CCDC175: variants seen among roughly 807,000 people sequenced by gnomAD.
CCDC175 encodes coiled-coil domain containing 175.
CCDC175 carries 100 observed loss-of-function variants against 114.6 expected under a neutral mutation model. That is an observed-to-expected ratio of 0.87 (90% CI 0.74 to 1.03). The LOEUF (loss-of-function observed/expected upper bound fraction) is 1.03. CCDC175 is among the 50% of genes least tolerant of loss of function. The pLI, the probability that CCDC175 is intolerant of heterozygous loss-of-function variation, is 0.00. For synonymous variants in CCDC175, 306 were observed against 308.7 expected (o/e 0.99, Z 0.09); for missense variants, 880 against 917.8 (o/e 0.96, Z 0.53).
At chr14:59,556,198 T>C (rs551133694) in intron 7 of CCDC175, among the ~76,000 whole-genome samples, 1 of 152,288 alleles carries the variant, frequency 6.6e-6, no homozygotes, top group South Asian at 2.1e-4. Context: ...TCATGCTACC[T>C]GACTTCAAAC....
chr14:59,554,703 A>C (rs1305700252), intron 7 of CCDC175, among the ~76,000 whole-genome samples: 1 of 152,156 alleles, frequency 6.6e-6, no homozygotes. Flanking sequence ...GATCAACAAA[A>C]TTGATAGACT....
At chr14:59,521,273 C>T (rs989652701) in intron 17 of CCDC175, among the ~76,000 whole-genome samples, 24 of 152,156 alleles carry the variant, frequency 1.6e-4, no homozygotes, top group African/African-American at 5.8e-4. Context: ...CATTGGACTC[C>T]AAGTTCTTCA....
At chr14:59,561,619 T>C (rs1165835817) in intron 6 of CCDC175, among the ~76,000 whole-genome samples, 1 of 152,174 alleles carries the variant, frequency 6.6e-6, no homozygotes, top group East Asian at 1.9e-4. Flanking sequence ...CAAAACAAAT[T>C]GGGTCTTTTG....
intron 10 of CCDC175, 91 bp from the exon 11 acceptor site, chr14:59,540,837 G>T: frequency 9.2e-7 from 1 of 1,081,692 alleles, no homozygotes; most frequent in Non-Finnish European, 1.3e-6. Context: ...GCTCAGTAAG[G>T]CTATAGTCTA....
At chr14:59,513,236 T>G (rs1892853119) in intron 17 of CCDC175, among the ~76,000 whole-genome samples, 1 of 152,050 alleles carries the variant, frequency 6.6e-6, no homozygotes, top group African/African-American at 2.4e-5. Flanking sequence ...GCTCCCAACG[T>G]CAGCGACGCA....
chr14:59,554,184 A>ACG, intron 7 of CCDC175, among the ~76,000 whole-genome samples: 1 of 152,220 alleles, frequency 6.6e-6, no homozygotes, highest in Non-Finnish European at 1.5e-5. Flanking sequence ...ACCACACAGC[A>ACG]CTTATTCCAA....
chr14:59,530,123 C>G (rs1893977146), intron 14 of CCDC175, among the ~76,000 whole-genome samples: 1 of 152,070 alleles, frequency 6.6e-6, no homozygotes. Context: ...ATAATCCCAG[C>G]ACTTTGGGAG....
chr14:59,574,259 T>G (rs1162876772), intron 2 of CCDC175, among the ~76,000 whole-genome samples: 2 of 152,212 alleles, frequency 1.3e-5, no homozygotes, highest in Admixed American at 1.3e-4. Flanking sequence ...TTTAGCAATT[T>G]GATATGTAGT....
At chr14:59,505,901 G>C (rs543679942) in intron 19 of CCDC175, among the ~76,000 whole-genome samples, 1 of 152,146 alleles carries the variant, frequency 6.6e-6, no homozygotes, top group Non-Finnish European at 1.5e-5. Context: ...GAAGTGTTTC[G>C]AATTTCGGGT....
intron 1 of CCDC175, among the ~76,000 whole-genome samples, chr14:59,575,505 C>CTTTTTT (rs58872671): frequency 3.0e-5 from 3 of 98,414 alleles, no homozygotes; most frequent in Non-Finnish European, 4.0e-5. Context: ...GGTAACATTC[C>CTTTTTT]TTTTTTTTTT....
Position 59,565,264 on chromosome 14 carries a change from T to C in CCDC175, c.503A>G (p.Glu168Gly). The change falls in exon 5 of 20, where the codon GAA becomes GGA. Residue 168 changes from glutamate (E) to glycine (G), a missense_variant. Transcript: ENST00000537690. ...KYNEALGEKQ[E>G]ELARKHARFV... ...CCTTGCATGCTTCCTTGCTAGCTCT[T>C]CCTGCTTCTCCCTGGGAGGAAAGAA... 1 of 1,536,548 alleles carries C rather than the reference T, an allele frequency of 6.5e-7. No homozygotes were observed. The highest frequency in any genetic ancestry group is 8.7e-7 in the Non-Finnish European group (1 of 1,146,654).
chr14:59,555,173 T>G (rs528929235), intron 7 of CCDC175, among the ~76,000 whole-genome samples: 1 of 152,284 alleles, frequency 6.6e-6, no homozygotes, highest in East Asian at 1.9e-4. Context: ...AAAGAGAATT[T>G]TAGACCAATA....
intron 4 of CCDC175, among the ~76,000 whole-genome samples, chr14:59,566,208 G>T (rs901618662): frequency 1.3e-5 from 2 of 152,128 alleles, no homozygotes; most frequent in Admixed American, 1.3e-4. Context: ...CATTGCGGGC[G>T]GTGTCCATCT....
intron 7 of CCDC175, among the ~76,000 whole-genome samples, chr14:59,560,712 G>T (rs1896182381): frequency 6.6e-6 from 1 of 152,132 alleles, no homozygotes; most frequent in African/African-American, 2.4e-5. Context: ...AGGCTTCCCT[G>T]TATTTTCTTA....
chr14:59,564,194 G>A (rs749737215), intron 5 of CCDC175, among the ~76,000 whole-genome samples: 3 of 152,126 alleles, frequency 2.0e-5, no homozygotes, highest in African/African-American at 7.2e-5. Flanking sequence ...AGTGGTGACC[G>A]GATTTACAAC....
In CCDC175 at chr14:59,512,643, C is replaced by T. The variant is rs180858005; in HGVS notation, c.2099-840G>A. Among the ~76,000 whole-genome samples, 26 of 152,226 alleles carry T rather than the reference C, an allele frequency of 1.7e-4. No individual in the cohort carries two copies. In the East Asian group the frequency reaches 3.9e-3, roughly 23 times the overall value. ...AAGCCTAAGGGTAGTCCTGGGATAC[C>T]TGATACTACACTACAGCTGCACAAT... On this transcript the variant is annotated intron_variant, in intron 17 of 19. Transcript: ENST00000537690.
chr14:59,530,493 G>T (rs1203141454), intron 14 of CCDC175, among the ~76,000 whole-genome samples: 3 of 151,838 alleles, frequency 2.0e-5, no homozygotes, highest in South Asian at 4.2e-4. Flanking sequence ...GAAAAGAAAA[G>T]AAAATTGGGA....
intron 7 of CCDC175, among the ~76,000 whole-genome samples, chr14:59,552,058 CA>C (rs1318559078): frequency 7.1e-6 from 1 of 140,164 alleles, no homozygotes; most frequent in Non-Finnish European, 1.7e-5. Flanking sequence ...CATAGCCGAA[CA>C]AAAGGCAGCA....
intron 17 of CCDC175, among the ~76,000 whole-genome samples, chr14:59,517,225 CA>C (rs1555341586): frequency 1.2e-4 from 18 of 152,108 alleles, no homozygotes; most frequent in Non-Finnish European, 2.9e-5. Flanking sequence ...ACTGAATGGG[CA>C]AAAACTGGAA....
Sources: allele counts gnomAD v4.1 joint callset (sites outside exome capture counted in the v4.1 genomes callset), GRCh38; gene constraint gnomAD v4.1.1; transcripts MANE v1.5; gene names NCBI Gene and HGNC (gene_info 2026-07-23, HGNC 2026-07-21).